KIDINS220: variants seen among roughly 807,000 people sequenced by gnomAD.
KIDINS220 encodes kinase D interacting substrate 220.
A neutral mutation model predicts 157.6 loss-of-function variants in KIDINS220; 63 were observed. That is an observed-to-expected ratio of 0.40 (90% CI 0.33 to 0.49). The LOEUF is 0.49. Ranked by LOEUF, KIDINS220 falls within the 20% of genes least tolerant of loss-of-function variation. The pLI, the probability that KIDINS220 is intolerant of heterozygous loss-of-function variation, is 0.66. For synonymous variants in KIDINS220, 732 were observed against 783.6 expected, an observed-to-expected ratio of 0.93 and a Z score of 1.10; for missense variants, 1,772 against 2,171.2, an observed-to-expected ratio of 0.82 and a Z score of 3.65.
intron 4 of KIDINS220, among the ~76,000 whole-genome samples, chr2:8,814,349 A>G (rs1676749854): frequency 6.6e-6 from 1 of 152,246 alleles, no homozygotes; most frequent in Non-Finnish European, 1.5e-5. Context: ...TCTAATGGAT[A>G]AAGTTGGAAC....
chr2:8,766,888 A>T (rs901350895), intron 22 of KIDINS220, among the ~76,000 whole-genome samples: 1 of 152,178 alleles, frequency 6.6e-6, no homozygotes, highest in African/African-American at 2.4e-5. Flanking sequence ...TAGAAATCTC[A>T]ATTGTCCAAT....
At chr2:8,759,953 A>C (rs763316341) in intron 22 of KIDINS220, among the ~76,000 whole-genome samples, 1 of 152,198 alleles carries the variant, frequency 6.6e-6, no homozygotes, top group Admixed American at 6.5e-5. Flanking sequence ...AGAGGTAAGC[A>C]ATGGATGCAA....
intron 17 of KIDINS220, among the ~76,000 whole-genome samples, chr2:8,783,242 T>G (rs1314678429): frequency 1.3e-5 from 2 of 150,392 alleles, no homozygotes; most frequent in Non-Finnish European, 3.0e-5. Context: ...ATCACATGAT[T>G]GCATAATTAG....
intron 1 of KIDINS220, among the ~76,000 whole-genome samples, chr2:8,833,365 C>T (rs1679926988): frequency 6.6e-6 from 1 of 152,086 alleles, no homozygotes; most frequent in Non-Finnish European, 1.5e-5. Flanking sequence ...TCTTAACCAC[C>T]CTTTCTTGGT....
intron 1 of KIDINS220, among the ~76,000 whole-genome samples, chr2:8,836,358 G>A (rs1422745936): frequency 6.6e-6 from 1 of 152,170 alleles, no homozygotes; most frequent in Admixed American, 6.5e-5. Context: ...CCAATACTTG[G>A]AAAAAGATAC....
rs1667179120 is a variant in KIDINS220 at position 8,750,338 on chromosome 2, G to C, written c.3191-3C>G. The C allele has an allele frequency of 6.5e-7, 1 of 1,540,838 alleles. No individual in the cohort carries two copies. The highest frequency in any genetic ancestry group is 1.8e-5 in the Admixed American group (1 of 55,130). On this transcript the variant is annotated splice_region_variant and splice_polypyrimidine_tract_variant and intron_variant, in intron 23 of 29. Coordinates refer to ENST00000256707, the MANE Select transcript of KIDINS220 (RefSeq NM_020738.4). The stretch of plus-strand genomic sequence containing the variant: ...CTGCTCTCTGGCAGCACGAACATCT[G>C]AAAGATTCAATCAGACCCCAGAAGG...
At chr2:8,827,943 C>T (rs1419991632) in intron 1 of KIDINS220, among the ~76,000 whole-genome samples, 1 of 152,214 alleles carries the variant, frequency 6.6e-6, no homozygotes, top group Non-Finnish European at 1.5e-5. Flanking sequence ...GCCCCTGACT[C>T]TGCATCTTTA....
intron 4 of KIDINS220, among the ~76,000 whole-genome samples, chr2:8,815,425 A>T (rs1304759905): frequency 6.6e-6 from 1 of 150,914 alleles, no homozygotes; most frequent in Non-Finnish European, 1.5e-5. Flanking sequence ...AGAAAAAAAA[A>T]GGGAGGCCTA....
rs1352956168 is a variant in KIDINS220 at position 8,730,540 on chromosome 2, T to C, written c.*180A>G. Reference sequence around the variant, plus strand: ...TACAAAGACCACAGAGGCTGGCTGGTGAGCCATGCTTCTCATGCTCCCTTC... The same window carrying C: ...TACAAAGACCACAGAGGCTGGCTGGCGAGCCATGCTTCTCATGCTCCCTTC... On this transcript the variant is annotated 3_prime_UTR_variant, in exon 30 of 30. Coordinates refer to ENST00000256707, the MANE Select transcript of KIDINS220 (RefSeq NM_020738.4). 7.0e-7 allele frequency: 1 copy of C among 1,428,036 alleles called. No homozygotes were observed. The highest frequency in any genetic ancestry group is 9.1e-7 in the Non-Finnish European group (1 of 1,098,530). 88.5% of individuals were successfully genotyped at this position (1,428,036 alleles called of 1,614,324 possible). A position where few individuals can be genotyped will look rare whatever the true frequency, so the allele number is the denominator to read the frequency against.
intron 24 of KIDINS220, chr2:8,749,376 G>A: frequency 2.2e-6 from 1 of 455,674 alleles, no homozygotes; most frequent in South Asian, 1.6e-5. Context: ...TGCACCTTAA[G>A]AGAACAGTTC....
At chr2:8,733,378 TA>T in intron 29 of KIDINS220, 65 bp downstream of exon 29, 2 of 1,321,092 alleles carry the variant, frequency 1.5e-6, no homozygotes, top group Non-Finnish European at 2.1e-6. Context: ...AATGCCCATA[TA>T]ATCTCAGTGA....
rs747161256 is a variant in KIDINS220, at chr2:8,731,725, C to A, written c.4311G>T (p.Lys1437Asn). Residue 1437 changes from lysine to asparagine, a missense_variant, in exon 30 of 30, where the codon AAG (lysine) becomes AAT (asparagine). Around this residue, in one of 3 missense-constraint regions of KIDINS220, gnomAD observed 793 missense variants for 885.5 expected, o/e 0.90. Coordinates refer to ENST00000256707, the MANE Select transcript of KIDINS220 (RefSeq NM_020738.4). The surrounding 1 kb of genome is among the most constrained non-coding windows in gnomAD (Gnocchi z 5.2). The part of the protein sequence containing the change: ...IHSNLEQEKG[K>N]DSEPKPDDGR... ...CATCATCGGGCTTTGGTTCACTATC[C>A]TTCCCCTTTTCTTGCTCTAGGTTTG... 1.2e-6 allele frequency: 2 copies of A among 1,614,132 alleles called. No homozygotes were observed. The highest frequency in any genetic ancestry group is 1.7e-5 in the Admixed American group (1 of 60,014).
At chr2:8,834,623 T>C (rs1310843069) in intron 1 of KIDINS220, among the ~76,000 whole-genome samples, 1 of 152,016 alleles carries the variant, frequency 6.6e-6, no homozygotes, top group African/African-American at 2.4e-5. Flanking sequence ...ATCTGTTTTG[T>C]TTACTGCTGA....
chr2:8,736,769 G>A (rs755905447), intron 27 of KIDINS220, 99 bp downstream of exon 27: 45 of 1,239,080 alleles, frequency 3.6e-5, no homozygotes, highest in Non-Finnish European at 4.8e-5. Context: ...AACAGGGAAT[G>A]CATGTTTGGG....
At chr2:8,806,485 A>G (rs1396637937) in intron 6 of KIDINS220, 116 bp from the exon 7 acceptor site, 1 of 610,348 alleles carries the variant, frequency 1.6e-6, no homozygotes, top group Non-Finnish European at 2.7e-6. Flanking sequence ...AAAACTGTAT[A>G]CATTTATCGT....
intron 24 of KIDINS220, among the ~76,000 whole-genome samples, chr2:8,748,654 G>A (rs528077297): frequency 6.6e-6 from 1 of 152,206 alleles, no homozygotes; most frequent in Admixed American, 6.5e-5. Context: ...TAAACATAAA[G>A]ACTGCAGTTC....
In KIDINS220 at chr2:8,789,900, G is replaced by C. The variant is rs1359337373; in HGVS notation, c.1601C>G (p.Ala534Gly). The change falls in exon 14 of 30, where the codon GCT becomes GGT. Residue 534 changes from alanine to glycine, a missense_variant. Around this residue, in one of 3 missense-constraint regions of KIDINS220, gnomAD observed 725 missense variants for 1,017.1 expected, o/e 0.71. Transcript: ENST00000256707. ...CTTACTAAAGAATATATATAAGAGAGCCAAGAAGCTCAGTGACACTGCTAT... is the reference window on the plus strand; with the variant it reads ...CTTACTAAAGAATATATATAAGAGACCCAAGAAGCTCAGTGACACTGCTAT... ...LGIAVSLSFL[A>G]LLYIFFIVIY... The C allele has an allele frequency of 6.2e-7, 1 of 1,610,120 alleles. No homozygotes were observed. Among genetic ancestry groups the C allele is most frequent in the East Asian group, 2.2e-5 (1 of 44,816 alleles).
chr2:8,791,217 C>T lies in KIDINS220; in HGVS notation c.1284G>A (p.Leu428=). Residue 428 remains leucine (L), a synonymous_variant, in exon 13 of 30, where the codon TTG becomes TTA. Coordinates refer to ENST00000256707, the MANE Select transcript of KIDINS220 (RefSeq NM_020738.4). ...ILTQIFGARH[L]SPTETDGDML... is the part of the protein sequence containing the mutation. ...TGTCACCGTCTGTTTCAGTAGGAGA[C>T]AAGTGTCCTGTAATTAAAACACATC... is the stretch of plus-strand genomic sequence containing the variant. The T allele has an allele frequency of 6.2e-7, 1 of 1,613,038 alleles. No homozygotes were observed.
At chr2:8,822,127 A>G (rs754524053) in intron 2 of KIDINS220, among the ~76,000 whole-genome samples, 29 of 152,216 alleles carry the variant, frequency 1.9e-4, no homozygotes, top group Admixed American at 2.6e-4. Flanking sequence ...TTCCCAGAAG[A>G]CTACAATGCA....
Sources: gnomAD v4.1 joint callset for allele counts (sites outside exome capture counted in the v4.1 genomes callset) on GRCh38, gnomAD v4.1.1 for gene constraint, gnomAD v4.1.1 regional missense constraint, Gnocchi (gnomAD v3.1) non-coding constraint, MANE v1.5 for transcripts, NCBI Gene and HGNC (gene_info 2026-07-23, HGNC 2026-07-21) for gene names.